CORO7: variants seen among roughly 807,000 people sequenced by gnomAD.
CORO7 encodes the protein coronin-7.
A neutral mutation model predicts 126.6 loss-of-function variants in CORO7; 107 were observed. The ratio of observed to expected loss-of-function variants is 0.85; its 90% CI spans 0.72 to 0.99. The LOEUF (loss-of-function observed/expected upper bound fraction) is 0.99, where lower values mean the gene tolerates loss of function less well. CORO7 is among the 50% of genes least tolerant of loss of function. The pLI is 0.00. For synonymous variants in CORO7, 603 were observed against 536.8 expected (o/e 1.12, Z -1.70); for missense variants, 1,314 against 1,255.8 (o/e 1.05, Z -0.70).
rs150079802 is a variant in CORO7, at chr16:4,360,984, C to A, written c.1876G>T (p.Ala626Ser). The A allele has an allele frequency of 2.4e-4, 393 of 1,612,868 alleles. 1 individual carries two copies. In the East Asian group the frequency reaches 7.9e-3, roughly 33 times the overall value. Reference protein sequence around the residue: ...DLTVRIWDLQAGADRLKLQGH... With the variant: ...DLTVRIWDLQSGADRLKLQGH... Reference sequence around the variant, plus strand: ...TGCAGCTTCAGCCGATCAGCTCCAGCCTGAAGGTCCCAGATGCGAACAGTG... The same window carrying A: ...TGCAGCTTCAGCCGATCAGCTCCAGACTGAAGGTCCCAGATGCGAACAGTG... The change falls in exon 19 of 28, where the codon GCT becomes TCT. Residue 626 changes from alanine to serine, a missense_variant. Physicochemically the swap from Ala to Ser is moderately conservative, Grantham distance 99. Coordinates refer to ENST00000251166, the MANE Select transcript of CORO7 (RefSeq NM_024535.5).
chr16:4,400,078 A>G (rs2055744883), intron 6 of CORO7, among the ~76,000 whole-genome samples: 1 of 152,136 alleles, frequency 6.6e-6, no homozygotes, highest in Non-Finnish European at 1.5e-5. Context: ...AACAGGTGGA[A>G]CCCAGGGGAT....
chr16:4,404,097 CT>C (rs2055909199), intron 6 of CORO7, among the ~76,000 whole-genome samples: 1 of 152,224 alleles, frequency 6.6e-6, no homozygotes, highest in African/African-American at 2.4e-5. Context: ...GGAGATGCGG[CT>C]TCCACAAAAG....
intron 7 of CORO7, among the ~76,000 whole-genome samples, chr16:4,388,944 G>A (rs1406034212): frequency 1.3e-5 from 2 of 152,186 alleles, no homozygotes; most frequent in Admixed American, 1.3e-4. Flanking sequence ...CCCCTTCCCT[G>A]CTGCGCCAGG....
At chr16:4,415,516 G>A (rs1224772321) in intron 1 of CORO7, among the ~76,000 whole-genome samples, 1 of 152,224 alleles carries the variant, frequency 6.6e-6, no homozygotes, top group East Asian at 1.9e-4. Flanking sequence ...AAGTGCCACA[G>A]GGGAAGGAAA....
rs1332808361 is a variant in CORO7 at position 4,360,327 on chromosome 16, T to C, written c.2059A>G (p.Ile687Val). ...CAGCGACCATCACATACCCAGACAA[T>C]GCGAGCTCCGCGTCCTCCCTTGGGC... ...PGPKGGRGAR[I>V]VWVCDGRCLL... Residue 687 changes from isoleucine (I) to valine (V), a missense_variant, in exon 21 of 28, where the codon ATT becomes GTT. By Grantham distance (29) the Ile-to-Val change is conservative. Transcript: ENST00000251166. 3.1e-6 allele frequency: 5 copies of C among 1,613,560 alleles called. No individual in the cohort carries two copies. Among genetic ancestry groups the C allele is most frequent in the African/African-American group, 2.7e-5 (2 of 74,994 alleles).
chr16:4,363,529 A>C (rs1031005691), intron 14 of CORO7, among the ~76,000 whole-genome samples: 2 of 151,492 alleles, frequency 1.3e-5, no homozygotes, highest in African/African-American at 4.9e-5. Context: ...ACATGGTGAA[A>C]ACCCATCTCT....
At position 4,359,498 on chromosome 16, in the gene CORO7, C is replaced by T. The variant is rs1418629831; in HGVS notation, c.2232G>A (p.Leu744=). 6 of 1,613,392 alleles carry T rather than the reference C, an allele frequency of 3.7e-6. No homozygotes were observed. The highest frequency in any genetic ancestry group is 5.1e-6 in the Non-Finnish European group (6 of 1,179,984). ...AGCCCACCTTGCCGGTCAGGAGCAC[C>T]AGGCCAGTGTCTGGGTCGTAGCTGG... ...LLPSYDPDTG[L]VLLTGKGDTR... Residue 744 remains leucine, a synonymous_variant, in exon 22 of 28, where the codon CTG becomes CTA. Coordinates refer to ENST00000251166, the MANE Select transcript of CORO7 (RefSeq NM_024535.5).
chr16:4,388,743 A>C, intron 7 of CORO7, 112 bp from the exon 8 acceptor site: 1 of 1,206,636 alleles, frequency 8.3e-7, no homozygotes, highest in Non-Finnish European at 1.2e-6. Flanking sequence ...TGAAAGCCTC[A>C]CAGAGGGTGG....
chr16:4,402,410 A>G (rs2055844752), intron 6 of CORO7, among the ~76,000 whole-genome samples: 1 of 151,482 alleles, frequency 6.6e-6, no homozygotes, highest in Non-Finnish European at 1.5e-5. Flanking sequence ...ATGCCTGTCT[A>G]ATGTTTGCAT....
intron 9 of CORO7, among the ~76,000 whole-genome samples, chr16:4,374,906 G>C (rs1290337652): frequency 6.6e-6 from 1 of 152,112 alleles, no homozygotes; most frequent in Non-Finnish European, 1.5e-5. Flanking sequence ...TTAATTGCAG[G>C]TTAGGGCCTT....
Position 4,357,961 on chromosome 16 carries a change from G to A in CORO7, c.2593+7C>T, listed in dbSNP as rs200635962. 438 of 1,592,414 alleles carry A rather than the reference G, an allele frequency of 2.8e-4. 3 individuals are homozygous for A. The highest frequency in any genetic ancestry group is 3.1e-4 in the Non-Finnish European group (366 of 1,162,966). ...GCTTCCTCCCCACACCCAGTCCCTC[G>A]GTGCACCTGGGCTCATGTCAGGAGG... On this transcript the variant is annotated splice_region_variant and intron_variant, in intron 25 of 27. Coordinates refer to ENST00000251166, the MANE Select transcript of CORO7 (RefSeq NM_024535.5).
intron 2 of CORO7, chr16:4,413,052 C>A (rs2056271862): frequency 7.2e-6 from 3 of 414,530 alleles, no homozygotes; most frequent in Non-Finnish European, 8.6e-6. Flanking sequence ...AAGCGTCAGT[C>A]CCCTCCCAGC....
intron 12 of CORO7, 42 bp downstream of exon 12, chr16:4,364,733 G>A (rs770741968): frequency 6.3e-5 from 101 of 1,593,770 alleles, no homozygotes; most frequent in Middle Eastern, 1.7e-4. Flanking sequence ...CAGGCCCCCC[G>A]ACTCCCCAGC....
Position 4,403,805 on chromosome 16 carries a change from G to C in CORO7, c.564+1686C>G, listed in dbSNP as rs112895664. ...ACAGTTTCTCAAAGAAAGATGTCAC[G>C]GTCCCAAGGCAGCCATCCCTGAGTC... On this transcript the variant is annotated intron_variant, in intron 6 of 27. Transcript: ENST00000251166. 5.1e-3 allele frequency among the ~76,000 whole-genome samples: 781 copies of C among 152,274 alleles called. 2 individuals carry two copies. Among genetic ancestry groups the C allele is most frequent in the African/African-American group, 0.018 (740 of 41,550 alleles).
intron 6 of CORO7, among the ~76,000 whole-genome samples, chr16:4,402,790 C>T (rs117299139): frequency 0.039 from 6,008 of 152,298 alleles, 157 homozygotes; most frequent in Non-Finnish European, 0.061. Flanking sequence ...TCAACCATGC[C>T]GGGAGTCAGG....
chr16:4,358,000 A>G lies in CORO7; in HGVS notation c.2561T>C (p.Leu854Pro). 1 of 1,611,472 alleles carries G rather than the reference A, an allele frequency of 6.2e-7. No individual in the cohort carries two copies. The highest frequency in any genetic ancestry group is 1.3e-5 in the African/African-American group (1 of 75,020). ...WLQGANGQPW[L>P]LSLQPPDMSP... The stretch of plus-strand genomic sequence containing the variant: ...CATGTCAGGAGGCTGCAGGCTGAGA[A>G]GCCAGGGCTGCCCATTAGCGCCTTG... Residue 854 changes from leucine to proline, a missense_variant, in exon 25 of 28, where the codon CTT (leucine) becomes CCT (proline). Coordinates refer to ENST00000251166, the MANE Select transcript of CORO7 (RefSeq NM_024535.5).
rs368044312 is a variant in CORO7 at position 4,355,115 on chromosome 16, G to C, written c.*43C>G. 1.0e-5 allele frequency: 15 copies of C among 1,480,370 alleles called. No homozygotes were observed. The highest frequency in any genetic ancestry group is 1.4e-5 in the Non-Finnish European group (15 of 1,110,488). The allele number at this position is 1,480,370 out of a possible 1,614,324, so 91.7% of individuals were successfully genotyped here. On this transcript the variant is annotated 3_prime_UTR_variant, in exon 28 of 28. Transcript: ENST00000251166. ...AGGATGAGCCGTGAGGTGTGCACTA[G>C]GAAGTGGCAGCACAGGTGAGGTGGA...
intron 6 of CORO7, among the ~76,000 whole-genome samples, chr16:4,404,166 C>A (rs558902819): frequency 3.9e-5 from 6 of 152,212 alleles, no homozygotes; most frequent in African/African-American, 1.4e-4. Flanking sequence ...AGCCCTGGGG[C>A]GGAATGCTCA....
In CORO7 at chr16:4,412,343, G is replaced by A. The variant is rs995873645; in HGVS notation, c.232+13C>T. On this transcript the variant is annotated intron_variant, in intron 3 of 27. Transcript: ENST00000251166. Reference sequence around the variant, plus strand: ...AGTTTCAGGCTTCACCCACTAGTCAGACACCCACTCACCTGAATGGCAGCC... The same window carrying A: ...AGTTTCAGGCTTCACCCACTAGTCAAACACCCACTCACCTGAATGGCAGCC... The A allele has an allele frequency of 8.7e-6, 14 of 1,613,942 alleles. No individual in the cohort carries two copies. Among genetic ancestry groups the A allele is most frequent in the Non-Finnish European group, 1.2e-5 (14 of 1,179,968 alleles).
Sources: allele counts gnomAD v4.1 joint callset (sites outside exome capture counted in the v4.1 genomes callset), GRCh38; gene constraint gnomAD v4.1.1; transcripts MANE v1.5; gene names NCBI Gene and HGNC (gene_info 2026-07-23, HGNC 2026-07-21).